LRBA: variants seen among roughly 807,000 people sequenced by gnomAD.
The protein encoded by LRBA is LPS responsive beige-like anchor protein.
A neutral mutation model predicts 330.0 loss-of-function variants in LRBA; 176 were observed. That is an observed-to-expected ratio of 0.53 (90% CI 0.47 to 0.60). The LOEUF (loss-of-function observed/expected upper bound fraction) is 0.60. Among genes scored for constraint, LRBA ranks in the 20% least tolerant of loss-of-function variants. The pLI, the probability that LRBA is intolerant of heterozygous loss-of-function variation, is 0.00. For missense variants in LRBA, 3,259 were observed against 3,444.8 expected, an observed-to-expected ratio of 0.95 and a Z score of 1.35; for synonymous variants, 1,230 against 1,193.0, an observed-to-expected ratio of 1.03 and a Z score of -0.64.
At chr4:150,805,239 G>GGAAAC (rs1742423316) in intron 33 of LRBA, among the ~76,000 whole-genome samples, 2 of 127,124 alleles carry the variant, frequency 1.6e-5, no homozygotes, top group South Asian at 2.4e-4. Context: ...GAAAGGAAAA[G>GGAAAC]GAGAAGGAAA....
chr4:150,601,690 A>T lies in LRBA; in HGVS notation c.5922-2559T>A, dbSNP rs375023539. On this transcript the variant is annotated intron_variant, in intron 37 of 56. Coordinates refer to ENST00000651943, the MANE Select transcript of LRBA (RefSeq NM_001364905.1). ...TACATACTGTCTTCAAATATATTCT[A>T]TCAATTTTTTTTTCTTTTTGAGTTG... Among the ~76,000 whole-genome samples, 27 of 151,946 alleles carry T rather than the reference A, an allele frequency of 1.8e-4. No individual in the cohort carries two copies. In the South Asian group the frequency reaches 3.3e-3, roughly 19 times the overall value.
At chr4:150,294,567 CAGGGCTACTGTGA>C (rs1728721161) in intron 53 of LRBA, among the ~76,000 whole-genome samples, 1 of 152,214 alleles carries the variant, frequency 6.6e-6, no homozygotes, top group South Asian at 2.1e-4. Context: ...AGATACCACA[CAGGGCTACTGTGA>C]AGATTAATGA....
intron 40 of LRBA, among the ~76,000 whole-genome samples, chr4:150,498,109 T>A (rs917667716): frequency 6.6e-6 from 1 of 152,218 alleles, no homozygotes; most frequent in Non-Finnish European, 1.5e-5. Flanking sequence ...CATGAAGCAC[T>A]GACTGGCAAA....
At position 150,868,164 on chromosome 4, in the gene LRBA, CT is replaced by C; in HGVS notation, c.2573+17del. 1 of 1,595,918 alleles carries C rather than the reference CT, an allele frequency of 6.3e-7. No homozygotes were observed. The highest frequency in any genetic ancestry group is 2.2e-5 in the East Asian group (1 of 44,682). ...TACATTTGAATACTGCAAATAAATG[CT>C]TTCTGATTCAGCTTACCTCCTGTTT... is the stretch of plus-strand genomic sequence containing the variant. On this transcript the variant is annotated intron_variant, in intron 21 of 56. Coordinates refer to ENST00000651943, the MANE Select transcript of LRBA (RefSeq NM_001364905.1).
At chr4:150,906,252 G>T in intron 12 of LRBA, 45 bp downstream of exon 12, 1 of 1,198,598 alleles carries the variant, frequency 8.3e-7, no homozygotes, top group Non-Finnish European at 1.2e-6. Flanking sequence ...CAAATGTATG[G>T]CCTGTAAATT....
intron 22 of LRBA, among the ~76,000 whole-genome samples, chr4:150,860,637 C>T (rs1185870562): frequency 3.3e-5 from 5 of 152,018 alleles, no homozygotes. Flanking sequence ...ACCATCCTGG[C>T]TAACATGGTG....
intron 37 of LRBA, among the ~76,000 whole-genome samples, chr4:150,664,323 T>C (rs142500883): frequency 4.1e-4 from 63 of 152,322 alleles, no homozygotes; most frequent in African/African-American, 1.3e-3. Flanking sequence ...GATCTCAGAA[T>C]AGACCCTTGA....
At chr4:150,552,185 C>A (rs963753890) in intron 40 of LRBA, among the ~76,000 whole-genome samples, 1 of 152,250 alleles carries the variant, frequency 6.6e-6, no homozygotes, top group African/African-American at 2.4e-5. Flanking sequence ...CAGTTCCTGA[C>A]AGGGAAACTG....
intron 40 of LRBA, among the ~76,000 whole-genome samples, chr4:150,493,148 C>T (rs1759169267): frequency 2.0e-5 from 3 of 151,986 alleles, no homozygotes; most frequent in Admixed American, 2.0e-4. Context: ...ATCTAGCTAA[C>T]TTTTAACAAT....
chr4:150,808,486 A>G (rs1743129272), intron 31 of LRBA, 88 bp from the exon 32 acceptor site: 1 of 735,170 alleles, frequency 1.4e-6, no homozygotes, highest in Admixed American at 2.2e-5. Context: ...ACCAGTCAAT[A>G]AAAGCATTAT....
Position 150,942,545 on chromosome 4 carries a change from C to T in LRBA, c.217-13480G>A, listed in dbSNP as rs1049155081. ...CAATATAGTCATTTAATATGCTGAA[C>T]TGAAAATATTCCCTTTGAAGTTTTT... On this transcript the variant is annotated intron_variant, in intron 2 of 56. Coordinates refer to ENST00000651943, the MANE Select transcript of LRBA (RefSeq NM_001364905.1). 2.0e-5 allele frequency among the ~76,000 whole-genome samples: 3 copies of T among 152,100 alleles called. No individual in the cohort carries two copies. In the East Asian group the frequency reaches 5.8e-4, roughly 29 times the overall value.
intron 36 of LRBA, among the ~76,000 whole-genome samples, chr4:150,704,260 G>C (rs944306037): frequency 7.9e-5 from 12 of 151,738 alleles, no homozygotes; most frequent in African/African-American, 2.9e-4. Context: ...TTATGAAATA[G>C]ATACACAAAT....
chr4:150,347,981 T>C (rs765433840), intron 48 of LRBA, among the ~76,000 whole-genome samples: 136 of 152,348 alleles, frequency 8.9e-4, no homozygotes, highest in East Asian at 1.7e-3. Context: ...TTTAAATTTA[T>C]ATTAATTAAA....
intron 5 of LRBA, among the ~76,000 whole-genome samples, chr4:150,919,644 T>C (rs1295319348): frequency 6.6e-6 from 1 of 151,274 alleles, no homozygotes; most frequent in African/African-American, 2.5e-5. Context: ...CAAAAAAAAA[T>C]TTTAGGAGAA....
At chr4:150,936,782 T>C (rs1367259369) in intron 2 of LRBA, among the ~76,000 whole-genome samples, 1 of 152,028 alleles carries the variant, frequency 6.6e-6, no homozygotes, top group Non-Finnish European at 1.5e-5. Flanking sequence ...CATACAATTG[T>C]ACATCATTTC....
At chr4:150,892,777 A>C (rs1729598432) in intron 17 of LRBA, among the ~76,000 whole-genome samples, 1 of 152,238 alleles carries the variant, frequency 6.6e-6, no homozygotes, top group Non-Finnish European at 1.5e-5. Flanking sequence ...TAAAGAAGTC[A>C]ACAATACAGT....
intron 29 of LRBA, among the ~76,000 whole-genome samples, chr4:150,829,124 T>A (rs1746773689): frequency 6.6e-6 from 1 of 152,012 alleles, no homozygotes; most frequent in South Asian, 2.1e-4. Context: ...TTTGTAGAGA[T>A]GAGGTTTCAC....
intron 44 of LRBA, among the ~76,000 whole-genome samples, chr4:150,437,929 G>A (rs1727396750): frequency 6.6e-6 from 1 of 152,148 alleles, no homozygotes; most frequent in Non-Finnish European, 1.5e-5. Flanking sequence ...TGTCATTTAG[G>A]TAATACACGA....
chr4:150,642,754 A>C (rs952882581), intron 37 of LRBA, among the ~76,000 whole-genome samples: 1 of 151,930 alleles, frequency 6.6e-6, no homozygotes, highest in Non-Finnish European at 1.5e-5. Flanking sequence ...CAACTCAAAT[A>C]AAACTTCACA....
Sources: gnomAD v4.1 joint callset for allele counts (sites outside exome capture counted in the v4.1 genomes callset) on GRCh38, gnomAD v4.1.1 for gene constraint, MANE v1.5 for transcripts, NCBI Gene and HGNC (gene_info 2026-07-23, HGNC 2026-07-21) for gene names.